The following MROH2B variants were observed in gnomAD, a reference collection of about 807,000 sequenced individuals.
MROH2B encodes maestro heat-like repeat-containing protein family member 2B.
In MROH2B, 177 loss-of-function variants were observed where a neutral mutation model predicts 208.6. That is an observed-to-expected ratio of 0.85 (90% confidence interval 0.75 to 0.96). The LOEUF is 0.96. Ranked by LOEUF, MROH2B falls within the 40% of genes least tolerant of loss-of-function variation. The pLI is 0.00. For synonymous variants in MROH2B, 728 were observed against 659.0 expected (o/e 1.10, Z -1.60); for missense variants, 2,002 against 1,878.7 (o/e 1.07, Z -1.21).
At position 41,010,064 on chromosome 5, in the gene MROH2B, C is replaced by A; in HGVS notation, c.3151G>T (p.Gly1051Cys). Residue 1051 changes from glycine (G) to cysteine (C), a missense_variant, in exon 31 of 42, where the codon GGC becomes TGC. Physicochemically the swap from Gly to Cys is radical, Grantham distance 159 (BLOSUM62 -3). Coordinates refer to ENST00000399564, the MANE Select transcript of MROH2B (RefSeq NM_173489.5). ...ALEDQLLEILGTIYHHMPVLR... is the reference protein window; with the variant it reads ...ALEDQLLEILCTIYHHMPVLR... Reference sequence around the variant, plus strand: ...ACTGGCATGTGATGGTAGATTGTGCCTAAGATCTCCAATAGCTAAAGAGAA... The same window carrying A: ...ACTGGCATGTGATGGTAGATTGTGCATAAGATCTCCAATAGCTAAAGAGAA... The A allele has an allele frequency of 6.2e-7, 1 of 1,613,048 alleles. No individual in the cohort carries two copies. The highest frequency in any genetic ancestry group is 8.5e-7 in the Non-Finnish European group (1 of 1,179,536).
chr5:41,008,525 C>T (rs986495417), intron 33 of MROH2B, 81 bp downstream of exon 33: 11 of 1,498,720 alleles, frequency 7.3e-6, no homozygotes, highest in African/African-American at 6.9e-5. Flanking sequence ...ACAGAAAGCA[C>T]AGACCCTGAC....
intron 12 of MROH2B, chr5:41,051,454 A>C (rs983050127): frequency 2.5e-5 from 4 of 159,868 alleles, no homozygotes; most frequent in Admixed American, 1.9e-4. Flanking sequence ...CTAAAATCAC[A>C]GAGATCATAA....
At chr5:41,023,911 G>GAAT (rs1223717553) in intron 24 of MROH2B, among the ~76,000 whole-genome samples, 2 of 152,162 alleles carry the variant, frequency 1.3e-5, no homozygotes, top group Non-Finnish European at 2.9e-5. Flanking sequence ...TTTCAACCCA[G>GAAT]AATTTCATAT....
At chr5:41,018,168 G>A (rs1258508654) in intron 27 of MROH2B, among the ~76,000 whole-genome samples, 173 bp downstream of exon 27, 2 of 152,188 alleles carry the variant, frequency 1.3e-5, no homozygotes, top group East Asian at 1.9e-4. Context: ...AAACCCAATA[G>A]CTCAATTCGT....
intron 23 of MROH2B, 34 bp downstream of exon 23, chr5:41,033,007 C>T: frequency 6.2e-7 from 1 of 1,611,334 alleles, no homozygotes; most frequent in Non-Finnish European, 8.5e-7. Context: ...ATGGAATACT[C>T]AGGGCCTTTC....
chr5:41,034,327 C>T (rs1376287239), intron 21 of MROH2B, among the ~76,000 whole-genome samples: 1 of 152,122 alleles, frequency 6.6e-6, no homozygotes, highest in Non-Finnish European at 1.5e-5. Context: ...GATTGACATG[C>T]TGTATCAGAG....
rs1375427229 is a variant in MROH2B, at chr5:41,071,053, T to G, written c.-201A>C. The G allele has an allele frequency of 1.8e-5, 10 of 561,864 alleles. No individual in the cohort carries two copies. The highest frequency in any genetic ancestry group is 3.2e-5 in the Non-Finnish European group (10 of 316,426). The allele number at this position is 561,864 out of a possible 1,614,324, so 34.8% of individuals were successfully genotyped here. ...GCTTGCTGTTGAAGTTGATACTGTA[T>G]TCTACCACTATGACATTGTCTTGCG... On this transcript the variant is annotated 5_prime_UTR_variant, in exon 1 of 42. Coordinates refer to ENST00000399564, the MANE Select transcript of MROH2B (RefSeq NM_173489.5).
At chr5:41,058,560 C>A (rs570719769) in intron 6 of MROH2B, among the ~76,000 whole-genome samples, 11 of 152,040 alleles carry the variant, frequency 7.2e-5, no homozygotes, top group Non-Finnish European at 1.2e-4. Flanking sequence ...CAGATTCAAG[C>A]AATTCTCCCG....
At chr5:41,051,988 A>G (rs904755620) in intron 12 of MROH2B, among the ~76,000 whole-genome samples, 2 of 152,318 alleles carry the variant, frequency 1.3e-5, no homozygotes, top group African/African-American at 2.4e-5. Context: ...AATGCACTTC[A>G]TAGAACTTAC....
At chr5:41,059,804 G>A (rs2150180788) in intron 6 of MROH2B, among the ~76,000 whole-genome samples, 1 of 152,160 alleles carries the variant, frequency 6.6e-6, no homozygotes. Flanking sequence ...ATGCCCTCCA[G>A]AACTCTGTTT....
intron 21 of MROH2B, among the ~76,000 whole-genome samples, chr5:41,037,499 T>G (rs1035673666): frequency 6.6e-6 from 1 of 152,186 alleles, no homozygotes; most frequent in Non-Finnish European, 1.5e-5. Context: ...GCAATTCTTA[T>G]GCAACTAAGG....
At chr5:41,039,356 G>A (rs1238604471) in intron 20 of MROH2B, 92 bp downstream of exon 20, 7 of 723,532 alleles carry the variant, frequency 9.7e-6, no homozygotes, top group Non-Finnish European at 1.6e-5. Flanking sequence ...GGGGACAGGA[G>A]TAAGTATAAT....
At chr5:41,038,625 G>C in intron 21 of MROH2B, 111 bp downstream of exon 21, 1 of 1,073,294 alleles carries the variant, frequency 9.3e-7, no homozygotes, top group South Asian at 2.0e-5. Context: ...TCACGTGGCT[G>C]ATAAAAACAT....
Position 41,010,128 on chromosome 5 carries a change from A to G in MROH2B, c.3136-49T>C, listed in dbSNP as rs201762548. On this transcript the variant is annotated intron_variant, in intron 30 of 41. Coordinates refer to ENST00000399564, the MANE Select transcript of MROH2B (RefSeq NM_173489.5). ...AACATTAAGTTGCCATTTTCCCTCTATGTGAATGACTCAGAACAGGTATCT... is the reference window on the plus strand; with the variant it reads ...AACATTAAGTTGCCATTTTCCCTCTGTGTGAATGACTCAGAACAGGTATCT... 5 of 1,589,904 alleles carry G rather than the reference A, an allele frequency of 3.1e-6. No homozygotes were observed. The African/African-American group carries it at 4.0e-5, about 13-fold the overall frequency.
At chr5:41,012,756 A>T (rs1676052792) in intron 29 of MROH2B, 21 bp from the exon 30 acceptor site, 1 of 1,612,604 alleles carries the variant, frequency 6.2e-7, no homozygotes, top group Non-Finnish European at 8.5e-7. Context: ...ACCCAGAAAG[A>T]TTCGTGTAAT....
chr5:41,009,836 A>T (rs767288899), intron 31 of MROH2B, 86 bp downstream of exon 31: 6 of 1,349,216 alleles, frequency 4.4e-6, no homozygotes, highest in Non-Finnish European at 6.0e-6. Flanking sequence ...TTTGTTTGCT[A>T]TCTTGCTCTC....
chr5:41,016,232 T>G (rs1741944246), intron 28 of MROH2B, among the ~76,000 whole-genome samples: 3 of 152,158 alleles, frequency 2.0e-5, no homozygotes, highest in Admixed American at 2.0e-4. Flanking sequence ...TTTAATTTAG[T>G]ATCACACTTG....
intron 3 of MROH2B, 46 bp from the exon 4 acceptor site, chr5:41,065,536 G>A (rs903977001): frequency 6.5e-7 from 1 of 1,537,214 alleles, no homozygotes; most frequent in Non-Finnish European, 8.9e-7. Context: ...AAAAGGGGCA[G>A]AGTGAGTCTA....
intron 13 of MROH2B, 120 bp downstream of exon 13, chr5:41,050,857 A>G (rs1164404328): frequency 2.0e-5 from 13 of 661,978 alleles, no homozygotes; most frequent in Non-Finnish European, 3.1e-5. Flanking sequence ...TACTTCCTCT[A>G]GTCAGAGCAT....
Sources: gnomAD v4.1 joint callset for allele counts (sites outside exome capture counted in the v4.1 genomes callset) on GRCh38, gnomAD v4.1.1 for gene constraint, MANE v1.5 for transcripts, NCBI Gene and HGNC (gene_info 2026-07-23, HGNC 2026-07-21) for gene names.